The following MUC3A variants were observed in gnomAD, a reference collection of about 807,000 sequenced individuals.
MUC3A encodes the protein mucin-3A.
MUC3A carries 109 observed loss-of-function variants against 109.0 expected under a neutral mutation model. The ratio of observed to expected loss-of-function variants is 1.00; its 90% confidence interval spans 0.86 to 1.17. The LOEUF (loss-of-function observed/expected upper bound fraction) is 1.17. MUC3A is among the 50% of genes most tolerant of loss of function. The probability of loss-of-function intolerance (pLI) is 0.00; values close to 1 mark genes in which losing one functional copy is unlikely to be tolerated. For synonymous variants in MUC3A, 1,398 were observed against 981.4 expected, an observed-to-expected ratio of 1.42 and a Z score of -7.93; for missense variants, 3,537 against 2,469.4, an observed-to-expected ratio of 1.43 and a Z score of -9.16.
chr7:100,952,226 G>T lies in MUC3A; in HGVS notation c.447G>T (p.Thr149=). ...SHPTSICVTT[T]QVAFTSSYTS... is the part of the protein sequence containing the mutation. ...CCACCTCCATCTGTGTGACCACGACGCAGGTGGCCTTCACCAGCTCTTACA... is the reference window on the plus strand; with the variant it reads ...CCACCTCCATCTGTGTGACCACGACTCAGGTGGCCTTCACCAGCTCTTACA... Residue 149 remains threonine (T), a synonymous_variant, in exon 2 of 12, where the codon ACG becomes ACT. Transcript: ENST00000379458. 1 of 1,598,532 alleles carries T rather than the reference G, an allele frequency of 6.3e-7. No homozygotes were observed. The highest frequency in any genetic ancestry group is 8.5e-7 in the Non-Finnish European group (1 of 1,179,790).
At position 100,967,240 on chromosome 7, in the gene MUC3A, G is replaced by A. The variant is rs1372803233; in HGVS notation, c.*78G>A. 1.9e-6 allele frequency: 3 copies of A among 1,585,904 alleles called. No homozygotes were observed. In the African/African-American group the frequency reaches 4.0e-5, roughly 21 times the overall value. ...CTGCATTGCGTCCATTTCAAGAGGT[G>A]GCCCCAGGACGCGGGCAGCCCAGGC... On this transcript the variant is annotated 3_prime_UTR_variant, in exon 12 of 12. Coordinates refer to ENST00000379458, the MANE Select transcript of MUC3A (RefSeq NM_005960.2).
chr7:100,963,919 AT>A, intron 5 of MUC3A, 167 bp downstream of exon 5: 1 of 950,312 alleles, frequency 1.1e-6, no homozygotes, highest in Non-Finnish European at 1.6e-6. Context: ...TTCTGGGGCC[AT>A]TTATCTGGAG....
In MUC3A at chr7:100,951,896, A is replaced by C. The variant is rs564140943; in HGVS notation, c.117A>C (p.Ala39=). The change falls in exon 2 of 12, where the codon GCA becomes GCC. Residue 39 remains alanine (A), a synonymous_variant. Transcript: ENST00000379458. ...ISQVPFPRAE[A]ASAVLSNSPH... is the part of the protein sequence containing the mutation. ...AAGTGCCTTTCCCCAGAGCAGAAGC[A>C]GCCAGCGCTGTGCTCAGCAATTCTC... The C allele has an allele frequency of 6.3e-7, 1 of 1,598,634 alleles. No homozygotes were observed. The highest frequency in any genetic ancestry group is 1.3e-5 in the African/African-American group (1 of 75,078).
Position 100,959,001 on chromosome 7 carries a change from G to T in MUC3A, c.7222G>T (p.Gly2408Cys). ...TTKTTSHITP[G>C]LTSSITTTET... ...CAAGACCACCTCACACATTACTCCT[G>T]GCCTCACTTCTTCAATCACCACCAC... Residue 2408 changes from glycine to cysteine, a missense_variant, in exon 2 of 12, where the codon GGC becomes TGC. Transcript: ENST00000379458. 2 of 1,313,882 alleles carry T rather than the reference G, an allele frequency of 1.5e-6. No homozygotes were observed. Among genetic ancestry groups the T allele is most frequent in the Non-Finnish European group, 1.9e-6 (2 of 1,031,170 alleles). The allele number at this position is 1,313,882 out of a possible 1,614,324, so 81.4% of individuals were successfully genotyped here.
At position 100,967,117 on chromosome 7, in the gene MUC3A, A is replaced by G. The variant is rs763336528; in HGVS notation, c.9931-4A>G. The stretch of plus-strand genomic sequence containing the variant: ...GTTCCCGTCCCTCACTGTGACTCTG[A>G]CAGGTGCACATCAAGAGACCCGAGA... On this transcript the variant is annotated splice_region_variant and splice_polypyrimidine_tract_variant and intron_variant, in intron 11 of 11. Coordinates refer to ENST00000379458, the MANE Select transcript of MUC3A (RefSeq NM_005960.2). 1,087 of 1,597,798 alleles carry G rather than the reference A, an allele frequency of 6.8e-4. No homozygotes were observed. The highest frequency in any genetic ancestry group is 8.5e-4 in the Non-Finnish European group (997 of 1,179,232).
rs1221206933 is a variant in MUC3A at position 100,966,741 on chromosome 7, C to T, written c.9875C>T (p.Thr3292Ile). 1 of 1,598,430 alleles carries T rather than the reference C, an allele frequency of 6.3e-7. No homozygotes were observed. The highest frequency in any genetic ancestry group is 1.3e-5 in the African/African-American group (1 of 74,962). Reference protein sequence around the residue: ...FSNWGFEDDGTDKDTNFYVAL... With the variant: ...FSNWGFEDDGIDKDTNFYVAL... ...AACTGGGGTTTCGAGGACGACGGAA[C>T]AGGTGAGTCCTGCCTCCTGGGGAAG... Residue 3292 changes from threonine to isoleucine, a missense_variant and splice_region_variant, in exon 10 of 12, where the codon ACA becomes ATA. Coordinates refer to ENST00000379458, the MANE Select transcript of MUC3A (RefSeq NM_005960.2).
chr7:100,966,387 T>C lies in MUC3A; in HGVS notation c.9613T>C (p.Cys3205Arg). The change falls in exon 9 of 12, where the codon TGC (cysteine) becomes CGC (arginine). Residue 3205 changes from cysteine (C) to arginine (R), a missense_variant and splice_region_variant. By Grantham distance (180) the Cys-to-Arg change is radical. Transcript: ENST00000379458. ...GTCTGACCCTGCGATCTCCCGCAGC[T>C]GCTACTCCACCGACACGCACTGGTT... The part of the protein sequence containing the change: ...VLETSGPTCR[C>R]YSTDTHWFSG... The C allele has an allele frequency of 7.5e-7, 1 of 1,334,308 alleles. No homozygotes were observed. The highest frequency in any genetic ancestry group is 9.5e-7 in the Non-Finnish European group (1 of 1,047,926). The allele number at this position is 1,334,308 out of a possible 1,614,324, so 82.7% of individuals were successfully genotyped here. A position where few individuals can be genotyped will look rare whatever the true frequency, so the allele number is the denominator to read the frequency against.
At position 100,966,505 on chromosome 7, in the gene MUC3A, C is replaced by T. The variant is rs1181314095; in HGVS notation, c.9731C>T (p.Ala3244Val). 4 of 1,304,270 alleles carry T rather than the reference C, an allele frequency of 3.1e-6. No homozygotes were observed. Among genetic ancestry groups the T allele is most frequent in the South Asian group, 2.8e-5 (1 of 36,244 alleles). 80.8% of individuals were successfully genotyped at this position (1,304,270 alleles called of 1,614,324 possible). The change falls in exon 9 of 12, where the codon GCG (alanine) becomes GTG (valine). Residue 3244 changes from alanine (A) to valine (V), a missense_variant. Coordinates refer to ENST00000379458, the MANE Select transcript of MUC3A (RefSeq NM_005960.2). Reference protein sequence around the residue: ...GAALLVLLLLALGVRAVRSGW... With the variant: ...GAALLVLLLLVLGVRAVRSGW... ...GCGCTGCTGGTGCTGCTGCTGCTGGCGCTGGGCGTCCGGGCGGTGCGCTCC... is the reference window on the plus strand; with the variant it reads ...GCGCTGCTGGTGCTGCTGCTGCTGGTGCTGGGCGTCCGGGCGGTGCGCTCC...
rs201114167 is a variant in MUC3A, at chr7:100,958,924, C to G, written c.7145C>G (p.Thr2382Ser). Residue 2382 changes from threonine (T) to serine (S), a missense_variant, in exon 2 of 12, where the codon ACT becomes AGT. Thr to Ser is a moderately conservative substitution (Grantham distance 58, BLOSUM62 1). Coordinates refer to ENST00000379458, the MANE Select transcript of MUC3A (RefSeq NM_005960.2). ...TPSFSSSITT[T>S]ETPLHSTPGL... The stretch of plus-strand genomic sequence containing the variant: ...AGCTTCAGTTCTTCAATCACCACCA[C>G]TGAGACCCCCTTACACAGTACTCCT... 2 of 1,515,086 alleles carry G rather than the reference C, an allele frequency of 1.3e-6. No individual in the cohort carries two copies. The highest frequency in any genetic ancestry group is 1.8e-6 in the Non-Finnish European group (2 of 1,134,732). The allele number at this position is 1,515,086 out of a possible 1,614,324, so 93.9% of individuals were successfully genotyped here.
chr7:100,966,831 C>T, intron 10 of MUC3A, 68 bp from the exon 11 acceptor site: 1 of 1,598,408 alleles, frequency 6.3e-7, no homozygotes, highest in Non-Finnish European at 8.5e-7. Flanking sequence ...CTCGCATTTA[C>T]TCCGTCCCCC....
chr7:100,957,645 C>A lies in MUC3A; in HGVS notation c.5866C>A (p.Pro1956Thr). ...TACCAAGACCACCTCACACAGCTCT[C>A]CCAGCTTCACTTCTTCGATCACCAC... is the stretch of plus-strand genomic sequence containing the variant. ...TNTKTTSHSS[P>T]SFTSSITTTE... Residue 1956 changes from proline (P) to threonine (T), a missense_variant, in exon 2 of 12, where the codon CCC becomes ACC. Pro to Thr is a conservative substitution (Grantham distance 38, BLOSUM62 -1). Coordinates refer to ENST00000379458, the MANE Select transcript of MUC3A (RefSeq NM_005960.2). 6.4e-7 allele frequency: 1 copy of A among 1,561,936 alleles called. No individual in the cohort carries two copies. The highest frequency in any genetic ancestry group is 1.1e-5 in the South Asian group (1 of 89,362).
At position 100,957,442 on chromosome 7, in the gene MUC3A, C is replaced by A; in HGVS notation, c.5663C>A (p.Pro1888Gln). ...SLLTTVTATV[P>Q]TTNLVTTTTK... ...CTCACCACAGTAACAGCCACAGTTC[C>A]AACAACAAACTTGGTAACCACGACC... Residue 1888 changes from proline (P) to glutamine (Q), a missense_variant, in exon 2 of 12, where the codon CCA (proline) becomes CAA (glutamine). Transcript: ENST00000379458. 5.3e-6 allele frequency: 6 copies of A among 1,135,234 alleles called. No individual in the cohort carries two copies. Among genetic ancestry groups the A allele is most frequent in the Non-Finnish European group, 7.1e-6 (6 of 843,874 alleles). The allele number at this position is 1,135,234 out of a possible 1,614,324, so 70.3% of individuals were successfully genotyped here.
chr7:100,950,444 C>T (rs1004506639), intron 1 of MUC3A, among the ~76,000 whole-genome samples: 5 of 152,292 alleles, frequency 3.3e-5, no homozygotes, highest in Admixed American at 1.3e-4. Flanking sequence ...AGCCTACAGG[C>T]CCATGAGTCC....
chr7:100,965,247 C>A (rs761489575), intron 6 of MUC3A, 35 bp from the exon 7 acceptor site: 1 of 1,593,798 alleles, frequency 6.3e-7, no homozygotes, highest in African/African-American at 1.3e-5. Flanking sequence ...CCTTGATCTG[C>A]CCCGCCCATT....
At position 100,959,285 on chromosome 7, in the gene MUC3A, A is replaced by G. The variant is rs1387850888; in HGVS notation, c.7506A>G (p.Ser2502=). Residue 2502 remains serine (S), a synonymous_variant, in exon 2 of 12, where the codon TCA becomes TCG. Transcript: ENST00000379458. Reference sequence around the variant, plus strand: ...CTTCGTCTGTGGGCACCAGCACTTCATTGACTACAACCACAGACTTTCCCT... The same window carrying G: ...CTTCGTCTGTGGGCACCAGCACTTCGTTGACTACAACCACAGACTTTCCCT... The part of the protein sequence containing the change: ...LTPSSVGTST[S]LTTTTDFPSI... The G allele has an allele frequency of 7.6e-6, 12 of 1,589,006 alleles. No homozygotes were observed. The highest frequency in any genetic ancestry group is 1.0e-5 in the Non-Finnish European group (12 of 1,174,430).
At position 100,960,396 on chromosome 7, in the gene MUC3A, C is replaced by G; in HGVS notation, c.8617C>G (p.Leu2873Val). ...STRLPTSETW[L>V]SNSSVIPLPL... is the part of the protein sequence containing the mutation. ...TCGACTGCCCACCAGTGAGACCTGG[C>G]TGAGCAACAGTTCTGTGATCCCCCT... is the stretch of plus-strand genomic sequence containing the variant. Residue 2873 changes from leucine to valine, a missense_variant, in exon 2 of 12, where the codon CTG (leucine) becomes GTG (valine). Coordinates refer to ENST00000379458, the MANE Select transcript of MUC3A (RefSeq NM_005960.2). The G allele has an allele frequency of 6.3e-7, 1 of 1,598,546 alleles. No homozygotes were observed. Among genetic ancestry groups the G allele is most frequent in the Non-Finnish European group, 8.5e-7 (1 of 1,179,830 alleles).
rs1792277487 is a variant in MUC3A, at chr7:100,960,325, C to T, written c.8546C>T (p.Ser2849Phe). ...ESSISPNASS[S>F]TGTGTVPTNT... ...AGCATCTCACCCAATGCTTCCAGTT[C>T]CACTGGCACTGGGACTGTACCCACA... Residue 2849 changes from serine (S) to phenylalanine (F), a missense_variant, in exon 2 of 12, where the codon TCC becomes TTC. Coordinates refer to ENST00000379458, the MANE Select transcript of MUC3A (RefSeq NM_005960.2). The T allele has an allele frequency of 6.3e-7, 1 of 1,598,534 alleles. No homozygotes were observed. The highest frequency in any genetic ancestry group is 8.5e-7 in the Non-Finnish European group (1 of 1,179,812).
intron 5 of MUC3A, 52 bp downstream of exon 5, chr7:100,963,804 C>A (rs1018284684): frequency 2.6e-5 from 42 of 1,593,708 alleles, no homozygotes; most frequent in Non-Finnish European, 3.2e-5. Flanking sequence ...GGGAAATGTG[C>A]GCACACAAAA....
chr7:100,949,817 G>T (rs1791884681), intron 1 of MUC3A, 132 bp downstream of exon 1: 1 of 911,110 alleles, frequency 1.1e-6, no homozygotes, highest in Non-Finnish European at 1.6e-6. Flanking sequence ...TGGGTGCAGG[G>T]AGAACCGAGG....
Sources: allele counts gnomAD v4.1 joint callset (sites outside exome capture counted in the v4.1 genomes callset), GRCh38; gene constraint gnomAD v4.1.1; transcripts MANE v1.5; gene names NCBI Gene and HGNC (gene_info 2026-07-23, HGNC 2026-07-21).